MPDZ: variants seen among roughly 807,000 people sequenced by gnomAD.
MPDZ encodes multiple PDZ domain protein.
A neutral mutation model predicts 239.1 loss-of-function variants in MPDZ; 234 were observed. That is an observed-to-expected ratio of 0.98 (90% CI 0.88 to 1.09). MPDZ has a LOEUF of 1.09. MPDZ is among the 50% of genes least tolerant of loss of function. The pLI is 0.00. For missense variants in MPDZ, 3,175 were observed against 2,510.0 expected (o/e 1.26, Z -5.66); for synonymous variants, 1,048 against 881.3 (o/e 1.19, Z -3.35).
chr9:13,117,366 C>T (rs1563830499), intron 39 of MPDZ, among the ~76,000 whole-genome samples: 11 of 151,866 alleles, frequency 7.2e-5, no homozygotes, highest in Admixed American at 6.6e-4. Flanking sequence ...CCTGCCTCTA[C>T]CAAAAATACA....
intron 8 of MPDZ, among the ~76,000 whole-genome samples, chr9:13,218,216 C>A (rs1011142154): frequency 6.6e-6 from 1 of 151,778 alleles, no homozygotes; most frequent in South Asian, 2.1e-4. Flanking sequence ...ATTATCTGTG[C>A]AAACTTAGCA....
intron 27 of MPDZ, among the ~76,000 whole-genome samples, chr9:13,141,562 T>C (rs982476877): frequency 6.6e-6 from 1 of 152,190 alleles, no homozygotes; most frequent in African/African-American, 2.4e-5. Context: ...TGATACAATG[T>C]TTTATTATAT....
At position 13,202,976 on chromosome 9, in the gene MPDZ, A is replaced by G. The variant is rs541296044; in HGVS notation, c.1546+2060T>C. Among the ~76,000 whole-genome samples, 10 of 152,216 alleles carry G rather than the reference A, an allele frequency of 6.6e-5. No homozygotes were observed. In the South Asian group the frequency reaches 1.2e-3, roughly 19 times the overall value. On this transcript the variant is annotated intron_variant, in intron 12 of 46. Coordinates refer to ENST00000319217, the MANE Select transcript of MPDZ (RefSeq NM_001378778.1). ...GCCATCTTGTTGATGTCACTCTTCA[A>G]TTTACTGCATATTTTCAAATAGCCA... is the stretch of plus-strand genomic sequence containing the variant.
At position 13,125,359 on chromosome 9, in the gene MPDZ, G is replaced by A; in HGVS notation, c.4664C>T (p.Thr1555Ile). 6.2e-7 allele frequency: 1 copy of A among 1,613,790 alleles called. No homozygotes were observed. The highest frequency in any genetic ancestry group is 2.2e-5 in the East Asian group (1 of 44,886). ...FISLLKTAKMTVKLTIHAENP... is the reference protein window; with the variant it reads ...FISLLKTAKMIVKLTIHAENP... Reference sequence around the variant, plus strand: ...CTCAGCATGGATGGTAAGTTTTACTGTCATCTTTGCTGTCTTCAGAAGGCT... The same window carrying A: ...CTCAGCATGGATGGTAAGTTTTACTATCATCTTTGCTGTCTTCAGAAGGCT... Residue 1555 changes from threonine (T) to isoleucine (I), a missense_variant, in exon 35 of 47, where the codon ACA (threonine) becomes ATA (isoleucine). Physicochemically the swap from Thr to Ile is moderately conservative, Grantham distance 89. Coordinates refer to ENST00000319217, the MANE Select transcript of MPDZ (RefSeq NM_001378778.1).
intron 21 of MPDZ, among the ~76,000 whole-genome samples, chr9:13,171,079 G>A (rs1266917900): frequency 6.6e-6 from 1 of 152,084 alleles, no homozygotes; most frequent in Non-Finnish European, 1.5e-5. Flanking sequence ...ACCTCACACA[G>A]AGCCTCAGTT....
chr9:13,177,559 T>A (rs1248271665), intron 19 of MPDZ, among the ~76,000 whole-genome samples: 3 of 152,188 alleles, frequency 2.0e-5, no homozygotes, highest in Non-Finnish European at 4.4e-5. Flanking sequence ...TTTTTTGCAG[T>A]ATCTTTTCAT....
Position 13,126,694 on chromosome 9 carries a change from C to T in MPDZ, c.4543G>A (p.Gly1515Arg). ...GTAAACCTCACCGTGGCTGCTACCCCATGCTCTGTTAAGCTCTTTATGATG... is the reference window on the plus strand; with the variant it reads ...GTAAACCTCACCGTGGCTGCTACCCTATGCTCTGTTAAGCTCTTTATGATG... ...GVIIKSLTEH[G>R]VAATDGRLKV... is the part of the protein sequence containing the mutation. Residue 1515 changes from glycine (G) to arginine (R), a missense_variant, in exon 33 of 47, where the codon GGG becomes AGG. Transcript: ENST00000319217. 6.2e-7 allele frequency: 1 copy of T among 1,613,792 alleles called. No homozygotes were observed. The highest frequency in any genetic ancestry group is 8.5e-7 in the Non-Finnish European group (1 of 1,179,762).
intron 12 of MPDZ, among the ~76,000 whole-genome samples, chr9:13,199,976 G>A (rs1010926315): frequency 6.6e-6 from 1 of 151,938 alleles, no homozygotes; most frequent in Non-Finnish European, 1.5e-5. Flanking sequence ...CAAATAATGG[G>A]TTTGTGAGTA....
chr9:13,196,918 G>T (rs557095367), intron 12 of MPDZ, among the ~76,000 whole-genome samples: 1 of 151,660 alleles, frequency 6.6e-6, no homozygotes, highest in African/African-American at 2.4e-5. Context: ...GTTCTTACTC[G>T]TAAGATTTGT....
At chr9:13,222,559 T>C in intron 5 of MPDZ, 113 bp from the exon 6 acceptor site, 1 of 831,584 alleles carries the variant, frequency 1.2e-6, no homozygotes, top group Non-Finnish European at 1.9e-6. Flanking sequence ...ATTCCCACAC[T>C]CTAAGCTTTT....
intron 12 of MPDZ, among the ~76,000 whole-genome samples, chr9:13,202,622 T>C (rs568740007): frequency 7.2e-5 from 11 of 152,288 alleles, no homozygotes; most frequent in South Asian, 6.2e-4. Flanking sequence ...CAGTGGTTCA[T>C]AGGAATGGGA....
At chr9:13,215,013 T>C (rs1196812377) in intron 10 of MPDZ, among the ~76,000 whole-genome samples, 2 of 152,000 alleles carry the variant, frequency 1.3e-5, no homozygotes, top group Admixed American at 6.6e-5. Flanking sequence ...TTACCCATTT[T>C]GAATAGTACA....
chr9:13,205,823 G>T, intron 11 of MPDZ, 93 bp downstream of exon 11: 1 of 1,146,530 alleles, frequency 8.7e-7, no homozygotes, highest in Non-Finnish European at 1.2e-6. Context: ...GAATAATTAA[G>T]AACCATTCTG....
intron 31 of MPDZ, 82 bp from the exon 32 acceptor site, chr9:13,133,986 A>G: frequency 1.8e-6 from 1 of 556,160 alleles, no homozygotes; most frequent in East Asian, 3.6e-5. Context: ...CCACTTATTC[A>G]AAATTATTTT....
intron 15 of MPDZ, among the ~76,000 whole-genome samples, chr9:13,190,753 A>G (rs1322427015): frequency 6.6e-6 from 1 of 152,192 alleles, no homozygotes; most frequent in South Asian, 2.1e-4. Flanking sequence ...TGACTTGTGC[A>G]TATGGTTATT....
chr9:13,114,038 A>G lies in MPDZ; in HGVS notation c.5467-17T>C. ...TTCACTCACCTACAAATATACAACA[A>G]TTATTTCAGAAGGTTTTGCAAGTAA... On this transcript the variant is annotated splice_polypyrimidine_tract_variant and intron_variant, in intron 40 of 46. Transcript: ENST00000319217. The G allele has an allele frequency of 6.4e-6, 10 of 1,562,744 alleles. No homozygotes were observed. The highest frequency in any genetic ancestry group is 8.7e-6 in the Non-Finnish European group (10 of 1,149,088).
chr9:13,243,911 G>A (rs1449087010), intron 3 of MPDZ, among the ~76,000 whole-genome samples: 1 of 152,164 alleles, frequency 6.6e-6, no homozygotes, highest in Non-Finnish European at 1.5e-5. Flanking sequence ...CACTGACGAG[G>A]AGAGACCTCC....
intron 46 of MPDZ, 88 bp downstream of exon 46, chr9:13,108,848 C>T (rs1228071067): frequency 2.0e-5 from 27 of 1,372,814 alleles, no homozygotes; most frequent in Non-Finnish European, 2.6e-5. Context: ...TTTGGCATTA[C>T]CTCAGGCCAT....
intron 3 of MPDZ, among the ~76,000 whole-genome samples, chr9:13,246,538 G>C (rs1444350423): frequency 2.6e-5 from 4 of 152,110 alleles, no homozygotes; most frequent in Non-Finnish European, 5.9e-5. Context: ...TCATGATCAC[G>C]ACTTTTAAAA....
Sources: gnomAD v4.1 joint callset for allele counts (sites outside exome capture counted in the v4.1 genomes callset) on GRCh38, gnomAD v4.1.1 for gene constraint, MANE v1.5 for transcripts, NCBI Gene and HGNC (gene_info 2026-07-23, HGNC 2026-07-21) for gene names.